Variants in SYNE3 observed in about 807,000 individuals in gnomAD.
The protein encoded by SYNE3 is spectrin repeat containing nuclear envelope family member 3, also known as nesprin-3.
Under a neutral mutation model 111.2 loss-of-function variants are expected in SYNE3, and 100 were observed. The ratio of observed to expected loss-of-function variants is 0.90; its 90% CI spans 0.77 to 1.06. SYNE3 has a LOEUF of 1.06. SYNE3 is among the 50% of genes least tolerant of loss of function. The pLI is 0.00. For missense variants in SYNE3, 1,160 were observed against 1,240.3 expected, an observed-to-expected ratio of 0.94 and a Z score of 0.97; for synonymous variants, 547 against 533.9, an observed-to-expected ratio of 1.02 and a Z score of -0.34.
At chr14:95,490,392 T>A (rs1007163666) in intron 1 of SYNE3, among the ~76,000 whole-genome samples, 3 of 152,254 alleles carry the variant, frequency 2.0e-5, no homozygotes, top group Admixed American at 1.3e-4. Flanking sequence ...GAGCTAGCTC[T>A]GTGCCCAGCT....
chr14:95,483,911 A>T (rs1414108662), intron 1 of SYNE3, among the ~76,000 whole-genome samples: 2 of 152,210 alleles, frequency 1.3e-5, no homozygotes, highest in Admixed American at 1.3e-4. Context: ...CACAAAGGAC[A>T]CTGGCCAGGG....
At chr14:95,426,943 CAAAAAAA>C (rs574423106) in intron 17 of SYNE3, among the ~76,000 whole-genome samples, 1 of 104,890 alleles carries the variant, frequency 9.5e-6, no homozygotes. Flanking sequence ...GACTCCATCT[CAAAAAAA>C]AAAAAAAAAA....
chr14:95,434,499 A>G (rs549981121), intron 15 of SYNE3, among the ~76,000 whole-genome samples: 1 of 152,130 alleles, frequency 6.6e-6, no homozygotes, highest in South Asian at 2.1e-4. Context: ...CCAGAAGTAA[A>G]CCTGGACCTT....
At chr14:95,455,794 C>A in intron 5 of SYNE3, 70 bp from the exon 6 acceptor site, 2 of 1,503,554 alleles carry the variant, frequency 1.3e-6, no homozygotes, top group Non-Finnish European at 9.1e-7. Flanking sequence ...TTTTCCAGAG[C>A]AGACCTGGGA....
chr14:95,484,619 G>T (rs555338536), intron 1 of SYNE3, among the ~76,000 whole-genome samples: 1 of 152,224 alleles, frequency 6.6e-6, no homozygotes. Context: ...TCAATGCAGC[G>T]GGGTTGGTAC....
chr14:95,423,746 A>T (rs1252719232), intron 17 of SYNE3, among the ~76,000 whole-genome samples: 26 of 60,858 alleles, frequency 4.3e-4, no homozygotes, highest in African/African-American at 1.7e-3. Flanking sequence ...GGGGATGGGG[A>T]TTTGATGGGG....
intron 1 of SYNE3, among the ~76,000 whole-genome samples, chr14:95,490,516 C>G (rs933947152): frequency 5.9e-5 from 9 of 152,204 alleles, no homozygotes; most frequent in African/African-American, 1.4e-4. Flanking sequence ...AATAACTTTC[C>G]CAAAAGCATG....
chr14:95,515,440 C>T (rs1035054026), intron 1 of SYNE3, among the ~76,000 whole-genome samples: 7 of 152,222 alleles, frequency 4.6e-5, no homozygotes, highest in African/African-American at 1.7e-4. Flanking sequence ...CAAGCCCAGG[C>T]CCTTCAAGAG....
intron 17 of SYNE3, among the ~76,000 whole-genome samples, chr14:95,418,897 T>C (rs1215865514): frequency 6.6e-6 from 1 of 152,120 alleles, no homozygotes; most frequent in African/African-American, 2.4e-5. Context: ...CCACCGCGCC[T>C]GGCCCCTCTC....
rs371647696 is a variant in SYNE3 at position 95,439,765 on chromosome 14, G to A, written c.2093C>T (p.Pro698Leu). The A allele has an allele frequency of 4.3e-5, 70 of 1,612,682 alleles. No individual in the cohort carries two copies. Among genetic ancestry groups the A allele is most frequent in the Middle Eastern group, 1.6e-4 (1 of 6,082 alleles). ...CAGGGACAGCTGGGCCTCCTTCTCC[G>A]GGAATTCTGCCACCAGCCTCTAAAG... ...AEFERLVAEFPEKEAQLSLVE... is the reference protein window; with the variant it reads ...AEFERLVAEFLEKEAQLSLVE... Residue 698 changes from proline (P) to leucine (L), a missense_variant, in exon 13 of 18, where the codon CCG (proline) becomes CTG (leucine). Pro to Leu is a moderately conservative substitution (Grantham distance 98). Coordinates refer to ENST00000682763, the MANE Select transcript of SYNE3 (RefSeq NM_152592.6).
In SYNE3 at chr14:95,439,313, G is replaced by A. The variant is rs150594061; in HGVS notation, c.2247-151C>T. 2,208 of 1,223,616 alleles carry A rather than the reference G, an allele frequency of 1.8e-3. 2 individuals carry two copies. The highest frequency in any genetic ancestry group is 2.4e-3 in the Non-Finnish European group (2,070 of 863,280). 75.8% of individuals were successfully genotyped at this position (1,223,616 alleles called of 1,614,324 possible). A position where few individuals can be genotyped will look rare whatever the true frequency, so the allele number is the denominator to read the frequency against. On this transcript the variant is annotated intron_variant, in intron 13 of 17. Coordinates refer to ENST00000682763, the MANE Select transcript of SYNE3 (RefSeq NM_152592.6). ...ATGTTCCTGAGGCATGCTCACATCC[G>A]GTTTCTGACTTTAAACTCAGAGTAA...
intron 4 of SYNE3, among the ~76,000 whole-genome samples, chr14:95,458,103 T>C (rs1023033164): frequency 6.6e-6 from 1 of 152,156 alleles, no homozygotes; most frequent in Non-Finnish European, 1.5e-5. Context: ...AACAGTGGTG[T>C]CCTGCTATGA....
At chr14:95,418,333 T>C (rs1426166540) in intron 17 of SYNE3, among the ~76,000 whole-genome samples, 1 of 152,196 alleles carries the variant, frequency 6.6e-6, no homozygotes, top group East Asian at 1.9e-4. Flanking sequence ...CTAAGGTCAC[T>C]TGACTTCTCT....
intron 15 of SYNE3, among the ~76,000 whole-genome samples, chr14:95,436,180 G>A (rs950145001): frequency 6.6e-6 from 1 of 152,148 alleles, no homozygotes; most frequent in African/African-American, 2.4e-5. Flanking sequence ...CCATCAAGTA[G>A]TGGAGTCTCT....
At chr14:95,467,390 A>G (rs4900273) in intron 3 of SYNE3, among the ~76,000 whole-genome samples, 39,348 of 151,980 alleles carry the variant, frequency 0.26, 5,687 homozygotes, top group East Asian at 0.48. Flanking sequence ...CAGCAGGACA[A>G]GAGTCAATGC....
intron 17 of SYNE3, among the ~76,000 whole-genome samples, chr14:95,429,566 G>A (rs190699258): frequency 2.7e-3 from 412 of 152,312 alleles, no homozygotes; most frequent in Non-Finnish European, 4.0e-3. Context: ...GATGGTCTCC[G>A]TGTAGTGGCC....
At chr14:95,481,675 TGTGAC>T (rs1161553690) in intron 1 of SYNE3, among the ~76,000 whole-genome samples, 2 of 152,190 alleles carry the variant, frequency 1.3e-5, no homozygotes, top group East Asian at 1.9e-4. Context: ...TCAGCTCTCC[TGTGAC>T]CCAGGGCAGA....
chr14:95,499,445 C>T (rs1890238953), intron 1 of SYNE3, among the ~76,000 whole-genome samples: 2 of 152,124 alleles, frequency 1.3e-5, no homozygotes, highest in Admixed American at 1.3e-4. Flanking sequence ...ATCATTTCTC[C>T]CCTTTGCTCC....
intron 2 of SYNE3, among the ~76,000 whole-genome samples, chr14:95,471,495 C>T (rs1254441218): frequency 1.3e-5 from 2 of 152,198 alleles, no homozygotes; most frequent in African/African-American, 4.8e-5. Flanking sequence ...GGTCCAAAGG[C>T]AGGCAAGACA....
Sources: gnomAD v4.1 joint callset for allele counts (sites outside exome capture counted in the v4.1 genomes callset) on GRCh38, gnomAD v4.1.1 for gene constraint, MANE v1.5 for transcripts, NCBI Gene and HGNC (gene_info 2026-07-23, HGNC 2026-07-21) for gene names.